The following SEMA3E variants were observed in gnomAD, a reference collection of about 807,000 sequenced individuals.
SEMA3E encodes the protein semaphorin 3E, also known as semaphorin-3E.
A neutral mutation model predicts 93.6 loss-of-function variants in SEMA3E; 49 were observed. That is an observed-to-expected ratio of 0.52 (90% CI 0.42 to 0.66). The LOEUF (loss-of-function observed/expected upper bound fraction) is 0.66, where lower values mean the gene tolerates loss of function less well. Among genes scored for constraint, SEMA3E ranks in the 30% least tolerant of loss-of-function variants. SEMA3E has a pLI of 0.00. For missense variants in SEMA3E, 906 were observed against 964.8 expected, an observed-to-expected ratio of 0.94 and a Z score of 0.81; for synonymous variants, 363 against 330.7, an observed-to-expected ratio of 1.10 and a Z score of -1.06.
chr7:83,498,993 T>G (rs1310921722), intron 1 of SEMA3E, among the ~76,000 whole-genome samples: 2 of 151,830 alleles, frequency 1.3e-5, no homozygotes, highest in African/African-American at 4.8e-5. Flanking sequence ...AATTCTCAAC[T>G]TTTTTACAGT....
chr7:83,584,035 G>C (rs1469254645), intron 1 of SEMA3E, among the ~76,000 whole-genome samples: 1 of 152,024 alleles, frequency 6.6e-6, no homozygotes, highest in Non-Finnish European at 1.5e-5. Flanking sequence ...TGTGAAATTA[G>C]GTAATAAATG....
chr7:83,482,950 T>C (rs549941977), intron 2 of SEMA3E, among the ~76,000 whole-genome samples: 2 of 151,846 alleles, frequency 1.3e-5, no homozygotes, highest in African/African-American at 2.4e-5. Context: ...AATGTGTTAC[T>C]GGTGGACAAG....
At chr7:83,377,992 G>C (rs1003569484) in intron 16 of SEMA3E, among the ~76,000 whole-genome samples, 2 of 151,838 alleles carry the variant, frequency 1.3e-5, no homozygotes, top group African/African-American at 4.8e-5. Flanking sequence ...CAAGTATGTG[G>C]AATTGCAGAA....
chr7:83,585,060 C>T (rs1029278648), intron 1 of SEMA3E, among the ~76,000 whole-genome samples: 1 of 152,144 alleles, frequency 6.6e-6, no homozygotes, highest in Admixed American at 6.6e-5. Flanking sequence ...TCTTTGAAGA[C>T]ACTAAGCATT....
intron 2 of SEMA3E, among the ~76,000 whole-genome samples, chr7:83,476,919 T>C (rs1468750951): frequency 6.6e-6 from 1 of 152,202 alleles, no homozygotes; most frequent in Non-Finnish European, 1.5e-5. Flanking sequence ...TACAATATAA[T>C]TTAATCATTC....
chr7:83,569,259 C>T (rs1792225997), intron 1 of SEMA3E, among the ~76,000 whole-genome samples: 2 of 151,734 alleles, frequency 1.3e-5, no homozygotes, highest in South Asian at 4.2e-4. Flanking sequence ...GGAAAGATAT[C>T]CCAAGCTCAT....
chr7:83,638,924 A>C (rs1793935242), intron 1 of SEMA3E, among the ~76,000 whole-genome samples: 1 of 151,376 alleles, frequency 6.6e-6, no homozygotes, highest in African/African-American at 2.4e-5. Flanking sequence ...ATCCCGGCTA[A>C]AATGGTGAAA....
chr7:83,560,242 G>C (rs1326250640), intron 1 of SEMA3E, among the ~76,000 whole-genome samples: 1 of 152,064 alleles, frequency 6.6e-6, no homozygotes. Flanking sequence ...ATGTGTCAAT[G>C]TAGGTTCATC....
intron 16 of SEMA3E, among the ~76,000 whole-genome samples, chr7:83,370,373 T>C (rs73709852): frequency 0.051 from 7,711 of 152,242 alleles, 327 homozygotes; most frequent in African/African-American, 0.11. Flanking sequence ...CTATCCTCAA[T>C]TGTTGATCGT....
intron 1 of SEMA3E, among the ~76,000 whole-genome samples, chr7:83,585,614 C>A (rs1168030562): frequency 6.6e-6 from 1 of 152,210 alleles, no homozygotes; most frequent in East Asian, 1.9e-4. Context: ...CTTCTGAATT[C>A]TCTTAACAAT....
chr7:83,447,501 G>A (rs889922274), intron 4 of SEMA3E, among the ~76,000 whole-genome samples: 9 of 152,272 alleles, frequency 5.9e-5, no homozygotes, highest in Admixed American at 2.0e-4. Context: ...TCATGCCACT[G>A]CACTCCAGCC....
At chr7:83,551,301 A>G (rs1693384) in intron 1 of SEMA3E, among the ~76,000 whole-genome samples, 50,361 of 151,664 alleles carry the variant, frequency 0.33, 10,177 homozygotes, top group African/African-American at 0.57. Context: ...ATGTTGGAAA[A>G]ATAACAAAAT....
intron 9 of SEMA3E, among the ~76,000 whole-genome samples, chr7:83,404,677 A>G (rs975786665): frequency 6.6e-6 from 1 of 152,020 alleles, no homozygotes; most frequent in Admixed American, 6.6e-5. Context: ...AGGGGAAAAC[A>G]ATAGATTATA....
intron 5 of SEMA3E, among the ~76,000 whole-genome samples, chr7:83,416,024 A>G (rs1316887084): frequency 6.6e-6 from 1 of 151,942 alleles, no homozygotes; most frequent in Non-Finnish European, 1.5e-5. Flanking sequence ...TCCAGCCCAC[A>G]TTCCTGCTGC....
rs562790839 is a variant in SEMA3E at position 83,436,653 on chromosome 7, T to A, written c.457-18170A>T. 3.9e-5 allele frequency among the ~76,000 whole-genome samples: 6 copies of A among 152,122 alleles called. No individual in the cohort carries two copies. In the South Asian group the frequency reaches 1.2e-3, roughly 31 times the overall value. On this transcript the variant is annotated intron_variant, in intron 4 of 16. Transcript: ENST00000643230. The stretch of plus-strand genomic sequence containing the variant: ...TAAGCAAGTATACAAAGAAAACTGA[T>A]GTCTTAAAAATCCAAGGGTTTGCAA...
intron 1 of SEMA3E, among the ~76,000 whole-genome samples, chr7:83,515,640 T>C (rs531969025): frequency 3.9e-5 from 6 of 152,340 alleles, no homozygotes; most frequent in African/African-American, 1.4e-4. Context: ...ATCTTCCAGA[T>C]AGACTGCTCA....
intron 4 of SEMA3E, among the ~76,000 whole-genome samples, chr7:83,457,381 T>C (rs1001863015): frequency 1.3e-5 from 2 of 152,232 alleles, no homozygotes; most frequent in African/African-American, 4.8e-5. Flanking sequence ...CAGAAATAAA[T>C]ACTGGACATC....
intron 4 of SEMA3E, among the ~76,000 whole-genome samples, chr7:83,460,786 C>T (rs1789599572): frequency 6.6e-6 from 1 of 151,432 alleles, no homozygotes; most frequent in African/African-American, 2.4e-5. Flanking sequence ...GCGCCCCATC[C>T]CTTATTTCCG....
At chr7:83,476,270 A>C (rs1790006390) in intron 2 of SEMA3E, among the ~76,000 whole-genome samples, 1 of 152,214 alleles carries the variant, frequency 6.6e-6, no homozygotes, top group Admixed American at 6.5e-5. Flanking sequence ...TGACATGAAA[A>C]TGCTGTAACA....
Sources: gnomAD v4.1 joint callset for allele counts (sites outside exome capture counted in the v4.1 genomes callset) on GRCh38, gnomAD v4.1.1 for gene constraint, MANE v1.5 for transcripts, NCBI Gene and HGNC (gene_info 2026-07-23, HGNC 2026-07-21) for gene names.